TNPO2: variants seen among roughly 807,000 people sequenced by gnomAD.
TNPO2 encodes transportin-2.
In TNPO2, 16 loss-of-function variants were observed where a neutral mutation model predicts 111.1. The observed-to-expected ratio is 0.14, with a 90% confidence interval of 0.10 to 0.22. The LOEUF is 0.22. TNPO2 is among the 10% of genes least tolerant of loss of function. The pLI, the probability that TNPO2 is intolerant of heterozygous loss-of-function variation, is 1.00. For synonymous variants in TNPO2, 481 were observed against 475.8 expected (o/e 1.01, Z -0.14); for missense variants, 530 against 1,173.7 (o/e 0.45, Z 8.01).
chr19:12,711,179 C>T, intron 12 of TNPO2, 117 bp downstream of exon 12: 3 of 1,388,918 alleles, frequency 2.2e-6, no homozygotes, highest in Non-Finnish European at 3.0e-6. Context: ...CAGGCGTAAG[C>T]CACTGCGCCC....
rs1450644302 is a variant in TNPO2, at chr19:12,705,931, T to C, written c.1669-163A>G. Reference sequence around the variant, plus strand: ...CCTCGAGGCCTTCATTCTTCTCACCTGTCCAAGCACCGCCCGCCCCACCCC... The same window carrying C: ...CCTCGAGGCCTTCATTCTTCTCACCCGTCCAAGCACCGCCCGCCCCACCCC... On this transcript the variant is annotated intron_variant, in intron 15 of 25. Coordinates refer to ENST00000425528, the MANE Select transcript of TNPO2 (RefSeq NM_001382241.1). The surrounding 1 kb of genome is among the most constrained non-coding windows in gnomAD (Gnocchi z 7.2). 12 of 693,840 alleles carry C rather than the reference T, an allele frequency of 1.7e-5. No homozygotes were observed. Among genetic ancestry groups the C allele is most frequent in the Non-Finnish European group, 2.8e-5 (12 of 424,276 alleles). 43.0% of individuals were successfully genotyped at this position (693,840 alleles called of 1,614,324 possible).
At chr19:12,722,282 A>G (rs1967025738) in intron 2 of TNPO2, 1 of 150,200 alleles carries the variant, frequency 6.7e-6, no homozygotes, top group Non-Finnish European at 1.5e-5. Flanking sequence ...CCACCCCCTA[A>G]GCTCTGCTCG....
At chr19:12,703,015 TAG>T (rs1459500245) in intron 20 of TNPO2, 97 bp from the exon 21 acceptor site, 1 of 1,075,484 alleles carries the variant, frequency 9.3e-7, no homozygotes, top group African/African-American at 1.6e-5. Context: ...CAGTTCCAAC[TAG>T]AGACTGGCCA....
chr19:12,708,562 T>C (rs1211654388), intron 13 of TNPO2, among the ~76,000 whole-genome samples: 1 of 152,090 alleles, frequency 6.6e-6, no homozygotes, highest in Admixed American at 6.6e-5. Context: ...CTATAGATCT[T>C]TTTACCATAA....
chr19:12,702,592 T>C lies in TNPO2; in HGVS notation c.2305+231A>G, dbSNP rs1173356888. ...CATGTTGGCCAGGCTGGTCTCGAACTCCTGACTTCAGGTGATCTGCCTCCC... is the reference window on the plus strand; with the variant it reads ...CATGTTGGCCAGGCTGGTCTCGAACCCCTGACTTCAGGTGATCTGCCTCCC... On this transcript the variant is annotated intron_variant, in intron 21 of 25. Transcript: ENST00000425528. This position sits in a 1 kb window ranked among gnomAD's most constrained non-coding sequence, Gnocchi z 5.5. Among the ~76,000 whole-genome samples, 1 of 152,062 alleles carries C rather than the reference T, an allele frequency of 6.6e-6. No individual in the cohort carries two copies. Among genetic ancestry groups the C allele is most frequent in the Non-Finnish European group, 1.5e-5 (1 of 67,992 alleles).
rs749057740 is a variant in TNPO2 at position 12,699,393 on chromosome 19, G to C, written c.*1871C>G. 14 of 185,452 alleles carry C rather than the reference G, an allele frequency of 7.5e-5. No homozygotes were observed. The highest frequency in any genetic ancestry group is 8.4e-5 in the Non-Finnish European group (7 of 83,320). 11.5% of individuals were successfully genotyped at this position (185,452 alleles called of 1,614,324 possible). A position where few individuals can be genotyped will look rare whatever the true frequency, so the allele number is the denominator to read the frequency against. On this transcript the variant is annotated 3_prime_UTR_variant, in exon 26 of 26. Coordinates refer to ENST00000425528, the MANE Select transcript of TNPO2 (RefSeq NM_001382241.1). ...GTCCACAGCCCTGGGTAGGGGAGAA[G>C]GTTGAGAAGCTGAAACTTCATTGTG...
intron 3 of TNPO2, 48 bp downstream of exon 3, chr19:12,720,831 T>C (rs1007781782): frequency 5.8e-6 from 9 of 1,541,434 alleles, no homozygotes; most frequent in Non-Finnish European, 7.0e-6. Context: ...CTTTGGAAAC[T>C]GCACGCATCT....
intron 20 of TNPO2, 137 bp downstream of exon 20, chr19:12,703,291 C>T (rs2025436056): frequency 1.4e-6 from 1 of 713,218 alleles, no homozygotes; most frequent in Non-Finnish European, 2.4e-6. Context: ...TCACAAATGA[C>T]CTTTCTGCTT....
chr19:12,711,673 C>G, intron 10 of TNPO2, 60 bp from the exon 11 acceptor site: 1 of 1,510,476 alleles, frequency 6.6e-7, no homozygotes, highest in Non-Finnish European at 9.1e-7. Context: ...TGGGGGGAGG[C>G]ACAGCTTGGG....
Position 12,719,459 on chromosome 19 carries a change from C to T in TNPO2, c.100-123G>A. 1 of 776,224 alleles carries T rather than the reference C, an allele frequency of 1.3e-6. No individual in the cohort carries two copies. Among genetic ancestry groups the T allele is most frequent in the Non-Finnish European group, 2.2e-6 (1 of 452,410 alleles). 48.1% of individuals were successfully genotyped at this position (776,224 alleles called of 1,614,324 possible). A position where few individuals can be genotyped will look rare whatever the true frequency, so the allele number is the denominator to read the frequency against. ...TGCCAGCTCCTGGGGGATCCCGCTC[C>T]CTAATAAGCCCACAATGACACAGAG... On this transcript the variant is annotated intron_variant, in intron 3 of 25. Coordinates refer to ENST00000425528, the MANE Select transcript of TNPO2 (RefSeq NM_001382241.1). This position sits in a 1 kb window ranked among gnomAD's most constrained non-coding sequence, Gnocchi z 5.0.
rs756638067 is a variant in TNPO2, at chr19:12,719,009, A to G, written c.325+20T>C. The G allele has an allele frequency of 1.2e-6, 2 of 1,612,296 alleles. No individual in the cohort carries two copies. The highest frequency in any genetic ancestry group is 2.2e-5 in the South Asian group (2 of 90,952). The stretch of plus-strand genomic sequence containing the variant: ...GAGTTCAGTGTGTCCTCAGAGGCCA[A>G]CCCCCGCTGCCCCTCTCACCAATGG... On this transcript the variant is annotated intron_variant, in intron 5 of 25. Transcript: ENST00000425528. The surrounding 1 kb of genome is among the most constrained non-coding windows in gnomAD (Gnocchi z 5.0).
chr19:12,714,625 T>G (rs1418646815), intron 10 of TNPO2, among the ~76,000 whole-genome samples, 196 bp downstream of exon 10: 1 of 152,192 alleles, frequency 6.6e-6, no homozygotes, highest in Non-Finnish European at 1.5e-5. Context: ...GATTTTTCAT[T>G]TCTTTCCACC....
rs370589602 is a variant in TNPO2, at chr19:12,702,797, A to G, written c.2305+26T>C. 268 of 1,604,924 alleles carry G rather than the reference A, an allele frequency of 1.7e-4. No individual in the cohort carries two copies. Among genetic ancestry groups the G allele is most frequent in the Non-Finnish European group, 2.2e-4 (262 of 1,172,016 alleles). On this transcript the variant is annotated intron_variant, in intron 21 of 25. Transcript: ENST00000425528. The surrounding 1 kb of genome is among the most constrained non-coding windows in gnomAD (Gnocchi z 5.5). The stretch of plus-strand genomic sequence containing the variant: ...ACCTCCAGAAGGCAGGCAGGGGTGC[A>G]GGCAGCAGCCGGGCCAGGTGCCCAC...
intron 13 of TNPO2, among the ~76,000 whole-genome samples, chr19:12,707,057 G>C (rs1338159199): frequency 1.3e-5 from 2 of 152,102 alleles, no homozygotes; most frequent in Admixed American, 6.6e-5. Flanking sequence ...GGGGCGCAGT[G>C]GTACGATCAT....
chr19:12,710,673 G>A lies in TNPO2; in HGVS notation c.1218C>T (p.Pro406=), dbSNP rs774000341. 8 of 1,613,456 alleles carry A rather than the reference G, an allele frequency of 5.0e-6. No individual in the cohort carries two copies. Among genetic ancestry groups the A allele is most frequent in the East Asian group, 2.2e-5 (1 of 44,858 alleles). ...LPLLKGLLFH[P]EWVVKESGIL... is the part of the protein sequence containing the mutation. The stretch of plus-strand genomic sequence containing the variant: ...TGCCCGACTCCTTGACCACCCACTC[G>A]GGGTGGAAGAGGAGGCCTTTGAGTA... Residue 406 remains proline, a synonymous_variant, in exon 13 of 26, where the codon CCC becomes CCT. Coordinates refer to ENST00000425528, the MANE Select transcript of TNPO2 (RefSeq NM_001382241.1).
rs773948686 is a variant in TNPO2 at position 12,701,045 on chromosome 19, G to A, written c.*219C>T. ...CACCAGAAGTCCCCCCCACCTCCCC[G>A]TTTGTAGGATGAGCATGGTGGCCCC... On this transcript the variant is annotated 3_prime_UTR_variant, in exon 26 of 26. Coordinates refer to ENST00000425528, the MANE Select transcript of TNPO2 (RefSeq NM_001382241.1). The surrounding 1 kb of genome is among the most constrained non-coding windows in gnomAD (Gnocchi z 5.0). 7 of 284,786 alleles carry A rather than the reference G, an allele frequency of 2.5e-5. No individual in the cohort carries two copies. The highest frequency in any genetic ancestry group is 4.0e-5 in the Non-Finnish European group (6 of 149,754). 17.6% of individuals were successfully genotyped at this position (284,786 alleles called of 1,614,324 possible).
Position 12,721,953 on chromosome 19 carries a change from C to T in TNPO2, c.-13-963G>A, listed in dbSNP as rs1966993876. ...GGGTAAACACCCCCCGGGGCATTCC[C>T]CTCAACGGATCCCAGCAACGCCTCG... is the stretch of plus-strand genomic sequence containing the variant. On this transcript the variant is annotated intron_variant, in intron 2 of 25. Transcript: ENST00000425528. This position sits in a 1 kb window ranked among gnomAD's most constrained non-coding sequence, Gnocchi z 4.9. 6.6e-6 allele frequency among the ~76,000 whole-genome samples: 1 copy of T among 151,622 alleles called. No individual in the cohort carries two copies. The highest frequency in any genetic ancestry group is 2.4e-5 in the African/African-American group (1 of 41,212).
At position 12,705,792 on chromosome 19, in the gene TNPO2, C is replaced by T. The variant is rs555871341; in HGVS notation, c.1669-24G>A. On this transcript the variant is annotated intron_variant, in intron 15 of 25. Coordinates refer to ENST00000425528, the MANE Select transcript of TNPO2 (RefSeq NM_001382241.1). The surrounding 1 kb of genome is among the most constrained non-coding windows in gnomAD (Gnocchi z 7.2). ...TCCTGGAGAGGGAGCACGAAATGGG[C>T]GCTCCCTGGGTCGGGGTGGCAGACT... is the stretch of plus-strand genomic sequence containing the variant. 155 of 1,433,752 alleles carry T rather than the reference C, an allele frequency of 1.1e-4. No homozygotes were observed. The South Asian group carries it at 1.4e-3, about 13-fold the overall frequency. 88.8% of individuals were successfully genotyped at this position (1,433,752 alleles called of 1,614,324 possible). A position where few individuals can be genotyped will look rare whatever the true frequency, so the allele number is the denominator to read the frequency against.
rs535316135 is a variant in TNPO2, at chr19:12,708,765, G to A, written c.1270+1856C>T. Among the ~76,000 whole-genome samples, 12 of 152,200 alleles carry A rather than the reference G, an allele frequency of 7.9e-5. No homozygotes were observed. The South Asian group carries it at 2.1e-3, about 26-fold the overall frequency. ...GGACACCTGTAATTCCAACTACTTGGGAGGCTGAGGCAGGAGAATCTCTGG... is the reference window on the plus strand; with the variant it reads ...GGACACCTGTAATTCCAACTACTTGAGAGGCTGAGGCAGGAGAATCTCTGG... On this transcript the variant is annotated intron_variant, in intron 13 of 25. Coordinates refer to ENST00000425528, the MANE Select transcript of TNPO2 (RefSeq NM_001382241.1).
Sources: allele counts gnomAD v4.1 joint callset (sites outside exome capture counted in the v4.1 genomes callset), GRCh38; gene constraint gnomAD v4.1.1; non-coding constraint Gnocchi (gnomAD v3.1); transcripts MANE v1.5; gene names NCBI Gene and HGNC (gene_info 2026-07-23, HGNC 2026-07-21).